GSE1: variants seen among roughly 807,000 people sequenced by gnomAD.
GSE1 encodes the protein genetic suppressor element 1.
In GSE1, 32 loss-of-function variants were observed where a neutral mutation model predicts 112.6. The ratio of observed to expected loss-of-function variants is 0.28; its 90% CI spans 0.21 to 0.38. The LOEUF (loss-of-function observed/expected upper bound fraction) is 0.38, where lower values mean the gene tolerates loss of function less well. Among genes scored for constraint, GSE1 ranks in the 10% least tolerant of loss-of-function variants. GSE1 has a pLI of 1.00. For synonymous variants in GSE1, 1,115 were observed against 735.6 expected, an observed-to-expected ratio of 1.52 and a Z score of -8.35; for missense variants, 2,348 against 1,699.2, an observed-to-expected ratio of 1.38 and a Z score of -6.71.
intron 1 of GSE1, among the ~76,000 whole-genome samples, chr16:85,181,540 A>G (rs1422840586): frequency 6.6e-6 from 1 of 152,208 alleles, no homozygotes; most frequent in Non-Finnish European, 1.5e-5. Context: ...CTCTCGCATC[A>G]GCTTTCAGAA....
intron 3 of GSE1, among the ~76,000 whole-genome samples, chr16:85,651,075 C>CCTCCCCCTCCCCCTCCGCCCCTT (rs2051308567): frequency 7.9e-6 from 1 of 127,344 alleles, no homozygotes; most frequent in African/African-American, 2.9e-5. Context: ...CTCCGCCCCT[C>CCTCCCCCTCCCCCTCCGCCCCTT]CTCCCCCTCC....
intron 1 of GSE1, among the ~76,000 whole-genome samples, chr16:85,620,080 G>A (rs2048633922): frequency 6.6e-6 from 1 of 152,072 alleles, no homozygotes; most frequent in African/African-American, 2.4e-5. Context: ...TGGATTGCTT[G>A]AGCTCTGCAG....
intron 2 of GSE1, among the ~76,000 whole-genome samples, chr16:85,636,895 A>T (rs2050047435): frequency 6.6e-6 from 1 of 151,916 alleles, no homozygotes; most frequent in Non-Finnish European, 1.5e-5. Flanking sequence ...GACAGTGGGG[A>T]CATGTGGACC....
At chr16:85,321,331 G>T (rs774371464) in intron 1 of GSE1, among the ~76,000 whole-genome samples, 1 of 152,192 alleles carries the variant, frequency 6.6e-6, no homozygotes. Context: ...AGAGGAGGGC[G>T]AAGAAGGGAT....
At chr16:85,501,894 A>C (rs1464101229) in intron 2 of GSE1, among the ~76,000 whole-genome samples, 2 of 152,150 alleles carry the variant, frequency 1.3e-5, no homozygotes, top group Non-Finnish European at 2.9e-5. Flanking sequence ...CACACGAGTA[A>C]TTTTATTTCT....
chr16:85,672,191 C>T (rs768685647), intron 15 of GSE1: 2 of 563,574 alleles, frequency 3.5e-6, no homozygotes, highest in Non-Finnish European at 6.6e-6. Context: ...GATGGGGTTT[C>T]CCCATGTTGG....
At chr16:85,546,235 C>G (rs2044695995) in intron 2 of GSE1, among the ~76,000 whole-genome samples, 1 of 152,200 alleles carries the variant, frequency 6.6e-6, no homozygotes, top group Non-Finnish European at 1.5e-5. Flanking sequence ...CAGACGTGCG[C>G]CACTGTGCCC....
At chr16:85,353,811 A>G (rs928192434) in intron 1 of GSE1, among the ~76,000 whole-genome samples, 1 of 152,178 alleles carries the variant, frequency 6.6e-6, no homozygotes, top group African/African-American at 2.4e-5. Context: ...TCCTCCACTC[A>G]ATGCCCTTGC....
chr16:85,510,428 G>A (rs2051702053), intron 2 of GSE1, among the ~76,000 whole-genome samples: 1 of 152,118 alleles, frequency 6.6e-6, no homozygotes, highest in African/African-American at 2.4e-5. Context: ...GTCTGTGTGT[G>A]TGTGTGTCAG....
At chr16:85,331,614 TATG>T (rs1156949529) in intron 1 of GSE1, among the ~76,000 whole-genome samples, 22,465 of 139,466 alleles carry the variant, frequency 0.16, 4,089 homozygotes, top group Non-Finnish European at 0.21. Flanking sequence ...TTTGTGTATA[TATG>T]TGTGTATATA....
intron 2 of GSE1, among the ~76,000 whole-genome samples, chr16:85,468,224 C>CT (rs2050179830): frequency 6.6e-6 from 1 of 151,916 alleles, no homozygotes; most frequent in Non-Finnish European, 1.5e-5. Flanking sequence ...ATTCGAGAAC[C>CT]TTGGGCAAGG....
At chr16:85,430,350 C>T (rs9938170) in intron 2 of GSE1, among the ~76,000 whole-genome samples, 25,018 of 152,168 alleles carry the variant, frequency 0.16, 2,435 homozygotes, top group East Asian at 0.5. Context: ...GACAGCCTCC[C>T]GTGCAGTCCT....
chr16:85,450,865 A>T (rs2049659165), intron 2 of GSE1, among the ~76,000 whole-genome samples: 1 of 151,600 alleles, frequency 6.6e-6, no homozygotes, highest in Admixed American at 6.6e-5. Flanking sequence ...GTTCGAGACC[A>T]GCCTGGCCAA....
intron 2 of GSE1, among the ~76,000 whole-genome samples, chr16:85,443,965 C>T (rs181597837): frequency 1.9e-4 from 25 of 133,726 alleles, no homozygotes; most frequent in African/African-American, 6.4e-4. Context: ...TGCCACGTTC[C>T]GGGAGACAAG....
At chr16:85,263,420 T>G (rs1263980247) in intron 1 of GSE1, among the ~76,000 whole-genome samples, 1 of 152,148 alleles carries the variant, frequency 6.6e-6, no homozygotes. Flanking sequence ...CTAACAAGTT[T>G]CCAGTTGGTA....
rs539912933 is a variant in GSE1 at position 85,648,692 on chromosome 16, G to T, written c.367G>T (p.Val123Leu). The T allele has an allele frequency of 6.2e-7, 1 of 1,606,908 alleles. No individual in the cohort carries two copies. Among genetic ancestry groups the T allele is most frequent in the Non-Finnish European group, 8.5e-7 (1 of 1,176,646 alleles). Reference sequence around the variant, plus strand: ...CCACAGCGTGCCCAGCACCCCCCCCGTGGTGACCATCGCTCCAACCAAAAC... The same window carrying T: ...CCACAGCGTGCCCAGCACCCCCCCCTTGGTGACCATCGCTCCAACCAAAAC... ...GGHSVPSTPP[V>L]VTIAPTKTVN... is the part of the protein sequence containing the mutation. The change falls in exon 3 of 16, where the codon GTG (valine) becomes TTG (leucine). Residue 123 changes from valine (V) to leucine (L), a missense_variant. Coordinates refer to ENST00000253458, the MANE Select transcript of GSE1 (RefSeq NM_014615.5).
At chr16:85,515,208 G>T (rs988578152) in intron 2 of GSE1, among the ~76,000 whole-genome samples, 7 of 152,194 alleles carry the variant, frequency 4.6e-5, no homozygotes, top group Non-Finnish European at 1.0e-4. Context: ...TGAAATCACA[G>T]TTTCCATCTG....
intron 2 of GSE1, among the ~76,000 whole-genome samples, chr16:85,391,035 C>A (rs1399045850): frequency 2.0e-5 from 3 of 152,054 alleles, no homozygotes; most frequent in Admixed American, 2.0e-4. Flanking sequence ...AGGCGCCAGC[C>A]TCCTTGGCTG....
intron 2 of GSE1, among the ~76,000 whole-genome samples, chr16:85,386,922 C>G (rs953443459): frequency 6.6e-6 from 1 of 152,138 alleles, no homozygotes; most frequent in African/African-American, 2.4e-5. Flanking sequence ...GCTGGGTGGA[C>G]TTTGGAAGGG....
Sources: gnomAD v4.1 joint callset for allele counts (sites outside exome capture counted in the v4.1 genomes callset) on GRCh38, gnomAD v4.1.1 for gene constraint, MANE v1.5 for transcripts, NCBI Gene and HGNC (gene_info 2026-07-23, HGNC 2026-07-21) for gene names.